The following CSMD1 variants were observed in gnomAD, a reference collection of about 807,000 sequenced individuals.
The protein encoded by CSMD1 is CUB and sushi domain-containing protein 1.
Under a neutral mutation model 417.5 loss-of-function variants are expected in CSMD1, and 213 were observed. That is an observed-to-expected ratio of 0.51 (90% CI 0.46 to 0.57). The LOEUF (loss-of-function observed/expected upper bound fraction) is 0.57, where lower values mean the gene tolerates loss of function less well. Ranked by LOEUF, CSMD1 falls within the 20% of genes least tolerant of loss-of-function variation. The probability of loss-of-function intolerance (pLI) is 0.00; values close to 1 mark genes in which losing one functional copy is unlikely to be tolerated. For missense variants in CSMD1, 6,923 were observed against 4,529.7 expected, an observed-to-expected ratio of 1.53 and a Z score of -15.17; for synonymous variants, 2,862 against 1,736.8, an observed-to-expected ratio of 1.65 and a Z score of -16.11.
chr8:3,238,879 G>C (rs568897323), intron 26 of CSMD1, among the ~76,000 whole-genome samples: 4 of 152,252 alleles, frequency 2.6e-5, no homozygotes, highest in African/African-American at 9.6e-5. Context: ...GAGAAATAGT[G>C]TAAACCAGCA....
At chr8:4,162,516 C>G (rs898956081) in intron 3 of CSMD1, among the ~76,000 whole-genome samples, 4 of 152,022 alleles carry the variant, frequency 2.6e-5, no homozygotes, top group Admixed American at 6.6e-5. Context: ...ATCTAACTTG[C>G]CAGAATATTA....
chr8:4,886,269 T>C (rs1198069289), intron 1 of CSMD1, among the ~76,000 whole-genome samples: 1 of 152,082 alleles, frequency 6.6e-6, no homozygotes, highest in Non-Finnish European at 1.5e-5. Flanking sequence ...GAATTTCTGA[T>C]CCGTTTTGAG....
chr8:3,622,846 G>A (rs1796323130), intron 7 of CSMD1, among the ~76,000 whole-genome samples: 1 of 152,156 alleles, frequency 6.6e-6, no homozygotes, highest in Non-Finnish European at 1.5e-5. Context: ...TCCAAGGTTG[G>A]AAAGAATCAT....
intron 3 of CSMD1, among the ~76,000 whole-genome samples, chr8:4,111,786 G>A (rs1045578979): frequency 1.3e-5 from 2 of 152,122 alleles, no homozygotes; most frequent in Admixed American, 1.3e-4. Context: ...TAGGGTGAGG[G>A]AGAGCATCAG....
chr8:4,801,363 C>T (rs780756201), intron 1 of CSMD1, among the ~76,000 whole-genome samples: 1 of 152,082 alleles, frequency 6.6e-6, no homozygotes, highest in African/African-American at 2.4e-5. Flanking sequence ...GCTGCCAGAA[C>T]CCAGTACTGA....
chr8:3,191,507 G>C (rs970638370), intron 33 of CSMD1, among the ~76,000 whole-genome samples: 3 of 152,090 alleles, frequency 2.0e-5, no homozygotes, highest in Non-Finnish European at 2.9e-5. Context: ...CTCTTGATGA[G>C]ACTTTCCTAG....
At chr8:3,876,358 T>C (rs1339153885) in intron 5 of CSMD1, among the ~76,000 whole-genome samples, 1 of 152,212 alleles carries the variant, frequency 6.6e-6, no homozygotes, top group Non-Finnish European at 1.5e-5. Context: ...AGTTTTCATG[T>C]ATAGTGTTGT....
At chr8:4,053,144 G>A (rs928315543) in intron 3 of CSMD1, among the ~76,000 whole-genome samples, 1 of 152,150 alleles carries the variant, frequency 6.6e-6, no homozygotes, top group African/African-American at 2.4e-5. Context: ...TGGGTGCAGT[G>A]TACAGTTAGT....
chr8:3,717,230 T>G (rs906820032), intron 6 of CSMD1, among the ~76,000 whole-genome samples: 6 of 152,222 alleles, frequency 3.9e-5, no homozygotes, highest in Non-Finnish European at 8.8e-5. Flanking sequence ...TAAACGTACC[T>G]TTCCATTATG....
intron 52 of CSMD1, among the ~76,000 whole-genome samples, chr8:3,018,040 T>C (rs1809007665): frequency 6.6e-6 from 1 of 152,186 alleles, no homozygotes; most frequent in African/African-American, 2.4e-5. Flanking sequence ...TTTTAAGTTT[T>C]TGAAAAAAGA....
At chr8:3,887,329 C>A (rs572522248) in intron 5 of CSMD1, among the ~76,000 whole-genome samples, 4 of 152,130 alleles carry the variant, frequency 2.6e-5, no homozygotes, top group African/African-American at 9.7e-5. Context: ...GTTTCTGAGA[C>A]GTTTTCAGGA....
intron 3 of CSMD1, among the ~76,000 whole-genome samples, chr8:4,122,008 G>C (rs550759039): frequency 1.3e-5 from 2 of 151,792 alleles, no homozygotes; most frequent in Non-Finnish European, 2.9e-5. Flanking sequence ...TAATCATTAA[G>C]AATAATTTTA....
intron 1 of CSMD1, among the ~76,000 whole-genome samples, chr8:4,877,722 G>A: frequency 6.6e-6 from 1 of 151,964 alleles, no homozygotes; most frequent in Admixed American, 6.6e-5. Context: ...CTTTAAAGAG[G>A]AAGACAGACT....
chr8:3,535,144 G>A (rs552591090), intron 10 of CSMD1, among the ~76,000 whole-genome samples: 3 of 151,786 alleles, frequency 2.0e-5, no homozygotes, highest in African/African-American at 7.3e-5. Context: ...TATAGAGACA[G>A]GGTCTCACCA....
chr8:4,066,641 T>A (rs914788859), intron 3 of CSMD1, among the ~76,000 whole-genome samples: 1 of 152,232 alleles, frequency 6.6e-6, no homozygotes, highest in Non-Finnish European at 1.5e-5. Flanking sequence ...AACAGCTCTT[T>A]GTGGATGTTT....
chr8:3,352,828 G>A (rs1808505146), intron 21 of CSMD1, among the ~76,000 whole-genome samples: 1 of 152,076 alleles, frequency 6.6e-6, no homozygotes, highest in South Asian at 2.1e-4. Flanking sequence ...CAACAAGAAA[G>A]AAACTCTGTC....
intron 5 of CSMD1, among the ~76,000 whole-genome samples, chr8:3,956,590 T>C (rs1246269676): frequency 2.0e-5 from 3 of 152,250 alleles, no homozygotes; most frequent in African/African-American, 7.2e-5. Context: ...CCCCATGTTT[T>C]GCATACATAA....
chr8:3,443,616 T>A (rs1306340900), intron 12 of CSMD1, among the ~76,000 whole-genome samples: 1 of 152,184 alleles, frequency 6.6e-6, no homozygotes, highest in Non-Finnish European at 1.5e-5. Flanking sequence ...AAATTATACC[T>A]ACCTTTGCAG....
chr8:3,238,860 A>G (rs908734073), intron 26 of CSMD1, among the ~76,000 whole-genome samples: 8 of 152,160 alleles, frequency 5.3e-5, no homozygotes, highest in Non-Finnish European at 1.2e-4. Context: ...TATCAGCTGT[A>G]ATGGCTTGGA....
Sources: allele counts gnomAD v4.1 joint callset (sites outside exome capture counted in the v4.1 genomes callset), GRCh38; gene constraint gnomAD v4.1.1; transcripts MANE v1.5; gene names NCBI Gene and HGNC (gene_info 2026-07-23, HGNC 2026-07-21).